PPP1R9A: variants seen among roughly 807,000 people sequenced by gnomAD.
The protein encoded by PPP1R9A is protein phosphatase 1 regulatory subunit 9A, also known as neurabin-1.
In PPP1R9A, 59 loss-of-function variants were observed where a neutral mutation model predicts 141.9. The ratio of observed to expected loss-of-function variants is 0.42; its 90% confidence interval spans 0.34 to 0.52. PPP1R9A has a LOEUF of 0.52. PPP1R9A is among the 20% of genes least tolerant of loss of function. PPP1R9A has a pLI of 0.10. For missense variants in PPP1R9A, 1,444 were observed against 1,611.9 expected (o/e 0.90, Z 1.78); for synonymous variants, 500 against 569.7 (o/e 0.88, Z 1.74).
At chr7:95,069,423 A>G (rs1262915918) in intron 2 of PPP1R9A, among the ~76,000 whole-genome samples, 6 of 152,178 alleles carry the variant, frequency 3.9e-5, no homozygotes, top group Non-Finnish European at 8.8e-5. Flanking sequence ...AAGGGAGGGC[A>G]GTTAAAATGG....
intron 2 of PPP1R9A, among the ~76,000 whole-genome samples, chr7:95,093,434 A>G (rs1817620629): frequency 6.6e-6 from 1 of 152,198 alleles, no homozygotes; most frequent in South Asian, 2.1e-4. Context: ...CTGAGGACCC[A>G]AATAATACAA....
At chr7:94,992,003 G>C (rs1801575174) in intron 2 of PPP1R9A, among the ~76,000 whole-genome samples, 1 of 152,120 alleles carries the variant, frequency 6.6e-6, no homozygotes, top group South Asian at 2.1e-4. Flanking sequence ...GCTTTATTGA[G>C]GTATAGTTGA....
chr7:95,025,433 A>G (rs1461025196), intron 2 of PPP1R9A, among the ~76,000 whole-genome samples: 1 of 152,146 alleles, frequency 6.6e-6, no homozygotes, highest in East Asian at 1.9e-4. Flanking sequence ...GTTTCTGCAG[A>G]GAGATTCACT....
At chr7:94,988,486 A>G (rs555468923) in intron 2 of PPP1R9A, among the ~76,000 whole-genome samples, 85 of 152,124 alleles carry the variant, frequency 5.6e-4, no homozygotes, top group African/African-American at 2.0e-3. Flanking sequence ...TAATTAGTGA[A>G]TTGGAGGGAT....
At chr7:95,082,967 G>A (rs972778019) in intron 2 of PPP1R9A, among the ~76,000 whole-genome samples, 4 of 151,528 alleles carry the variant, frequency 2.6e-5, no homozygotes, top group African/African-American at 7.3e-5. Context: ...GTGTTAGCCA[G>A]GATGGTCTCA....
At chr7:95,082,064 C>T (rs532993271) in intron 2 of PPP1R9A, among the ~76,000 whole-genome samples, 1 of 152,154 alleles carries the variant, frequency 6.6e-6, no homozygotes, top group East Asian at 1.9e-4. Flanking sequence ...TGGATAACCC[C>T]ACTCACAAAG....
At chr7:95,152,314 T>C (rs1418630970) in intron 4 of PPP1R9A, among the ~76,000 whole-genome samples, 2 of 152,128 alleles carry the variant, frequency 1.3e-5, no homozygotes, top group Non-Finnish European at 2.9e-5. Flanking sequence ...GCTAAATAAT[T>C]CCAGGTAAAT....
At position 95,268,646 on chromosome 7, in the gene PPP1R9A, C is replaced by G. The variant is rs1801672993; in HGVS notation, c.2762C>G (p.Ser921Cys). The G allele has an allele frequency of 6.2e-7, 1 of 1,613,296 alleles. No individual in the cohort carries two copies. The highest frequency in any genetic ancestry group is 8.5e-7 in the Non-Finnish European group (1 of 1,179,558). ...LSVKNRRQRP[S>C]RTRLYDSVSS... ...GTGAAGAACAGACGCCAGAGACCCT[C>G]TAGGACAAGACTGTATGATAGTGTT... Residue 921 changes from serine (S) to cysteine (C), a missense_variant, in exon 13 of 20, where the codon TCT becomes TGT. Transcript: ENST00000433360.
chr7:95,288,550 A>T lies in PPP1R9A; in HGVS notation c.3744A>T (p.Gly1248=). ...TCCTATCTTAGATCCTTGATGATGG[A>T]CAGTCTCCCAAACACAGTCAGTGTC... The part of the protein sequence containing the change: ...ALSSDEILDD[G]QSPKHSQCQN... Residue 1248 remains glycine, a synonymous_variant, in exon 19 of 20, where the codon GGA becomes GGT. Coordinates refer to ENST00000433360, the MANE Select transcript of PPP1R9A (RefSeq NM_001166160.2). The T allele has an allele frequency of 6.2e-7, 1 of 1,613,942 alleles. No homozygotes were observed.
At chr7:95,141,645 T>C (rs1037022765) in intron 4 of PPP1R9A, among the ~76,000 whole-genome samples, 2 of 152,134 alleles carry the variant, frequency 1.3e-5, no homozygotes, top group Non-Finnish European at 2.9e-5. Context: ...GGCTTTTTTT[T>C]TTTTAACTAG....
chr7:95,065,542 T>C (rs1181542676), intron 2 of PPP1R9A, among the ~76,000 whole-genome samples: 3 of 152,220 alleles, frequency 2.0e-5, no homozygotes, highest in African/African-American at 7.2e-5. Flanking sequence ...TACCTGCCTG[T>C]TTTCAGGGGC....
At chr7:95,128,930 A>G (rs1206467689) in intron 4 of PPP1R9A, among the ~76,000 whole-genome samples, 1 of 152,186 alleles carries the variant, frequency 6.6e-6, no homozygotes, top group Non-Finnish European at 1.5e-5. Flanking sequence ...CCCAAGGCCA[A>G]TGTCCTGAAT....
At chr7:95,279,171 G>T (rs1803701695) in intron 16 of PPP1R9A, among the ~76,000 whole-genome samples, 1 of 152,208 alleles carries the variant, frequency 6.6e-6, no homozygotes. Flanking sequence ...ACTTCAGGCT[G>T]TACTTCATAG....
chr7:94,909,758 T>C (rs1791250647), intron 1 of PPP1R9A, 140 bp from the exon 2 acceptor site: 1 of 163,102 alleles, frequency 6.1e-6, no homozygotes, highest in Admixed American at 6.1e-5. Context: ...ACTTTTTGAC[T>C]TTTAACTTCC....
At chr7:95,182,049 TAA>T (rs1833938013) in intron 5 of PPP1R9A, among the ~76,000 whole-genome samples, 1 of 151,786 alleles carries the variant, frequency 6.6e-6, no homozygotes, top group Non-Finnish European at 1.5e-5. Flanking sequence ...TGGCAAGGGA[TAA>T]AAGACTACAA....
intron 7 of PPP1R9A, 150 bp from the exon 8 acceptor site, chr7:95,225,811 T>C (rs1052277267): frequency 3.0e-6 from 2 of 676,844 alleles, no homozygotes; most frequent in African/African-American, 3.6e-5. Flanking sequence ...TTTATAACAT[T>C]GGCTGCATGA....
intron 2 of PPP1R9A, among the ~76,000 whole-genome samples, chr7:94,977,216 G>T (rs1799551096): frequency 6.6e-6 from 1 of 152,066 alleles, no homozygotes; most frequent in Non-Finnish European, 1.5e-5. Flanking sequence ...GAGATGTCTG[G>T]GTTGAAGAGA....
chr7:94,915,426 A>G (rs772898882), intron 2 of PPP1R9A, among the ~76,000 whole-genome samples: 1 of 152,180 alleles, frequency 6.6e-6, no homozygotes, highest in Non-Finnish European at 1.5e-5. Flanking sequence ...CATATGAATC[A>G]CTTGGGAGAT....
rs1819177390 is a variant in PPP1R9A at position 95,104,049 on chromosome 7, A to G, written c.1396-7210A>G. 2.0e-5 allele frequency among the ~76,000 whole-genome samples: 3 copies of G among 152,064 alleles called. No individual in the cohort carries two copies. The South Asian group carries it at 6.2e-4, about 32-fold the overall frequency. ...ACTGATTAGAAGCCTGCACCCAGAT[A>G]TTGGTACTTTAAATCTACACAAGAC... On this transcript the variant is annotated intron_variant, in intron 2 of 19. Transcript: ENST00000433360.
Sources: gnomAD v4.1 joint callset for allele counts (sites outside exome capture counted in the v4.1 genomes callset) on GRCh38, gnomAD v4.1.1 for gene constraint, MANE v1.5 for transcripts, NCBI Gene and HGNC (gene_info 2026-07-23, HGNC 2026-07-21) for gene names.